The following ECHS1 variants were observed in gnomAD, a reference collection of about 807,000 sequenced individuals.
ECHS1 encodes enoyl-CoA hydratase, short chain 1, also known as enoyl-CoA hydratase, mitochondrial.
ECHS1 carries 19 observed loss-of-function variants against 33.5 expected under a neutral mutation model. That is an observed-to-expected ratio of 0.57 (90% CI 0.40 to 0.83). The LOEUF (loss-of-function observed/expected upper bound fraction) is 0.83. Ranked by LOEUF, ECHS1 falls within the 40% of genes least tolerant of loss-of-function variation. ECHS1 has a pLI of 0.00. For missense variants in ECHS1, 365 were observed against 381.3 expected, an observed-to-expected ratio of 0.96 and a Z score of 0.36; for synonymous variants, 158 against 146.6, an observed-to-expected ratio of 1.08 and a Z score of -0.56.
intron 7 of ECHS1, among the ~76,000 whole-genome samples, chr10:133,363,353 G>GCA: frequency 7.7e-6 from 1 of 130,414 alleles, no homozygotes; most frequent in African/African-American, 2.9e-5. Flanking sequence ...GTGTGCGCGC[G>GCA]CGCACACACA....
rs1016632181 is a variant in ECHS1, at chr10:133,362,496, G to A, written c.*372C>T. On this transcript the variant is annotated 3_prime_UTR_variant, in exon 8 of 8. Coordinates refer to ENST00000368547, the MANE Select transcript of ECHS1 (RefSeq NM_004092.4). ...TACAAGGCGTGGTGTAATCTGAATC[G>A]CTATCACTTTAATCAGCATCTGTAT... The A allele has an allele frequency of 3.7e-5, 10 of 268,408 alleles. No homozygotes were observed. Among genetic ancestry groups the A allele is most frequent in the East Asian group, 1.6e-4 (2 of 12,348 alleles). 16.6% of individuals were successfully genotyped at this position (268,408 alleles called of 1,614,324 possible).
At chr10:133,370,464 C>A in intron 2 of ECHS1, 96 bp downstream of exon 2, 1 of 1,279,136 alleles carries the variant, frequency 7.8e-7, no homozygotes, top group South Asian at 1.7e-5. Context: ...ATGCCTCTGC[C>A]ATCACAGAGG....
At position 133,365,198 on chromosome 10, in the gene ECHS1, G is replaced by A. The variant is rs550499849; in HGVS notation, c.740-473C>T. The stretch of plus-strand genomic sequence containing the variant: ...AGCAGATCCAGGTGCGCAGATGGAG[G>A]CAGGCGCTGTGGCTCCAGGGCTGGT... On this transcript the variant is annotated intron_variant, in intron 6 of 7. Coordinates refer to ENST00000368547, the MANE Select transcript of ECHS1 (RefSeq NM_004092.4). Among the ~76,000 whole-genome samples, 26 of 152,348 alleles carry A rather than the reference G, an allele frequency of 1.7e-4. No homozygotes were observed. In the South Asian group the frequency reaches 3.5e-3, roughly 21 times the overall value.
Position 133,366,971 on chromosome 10 carries a change from G to A in ECHS1, c.537C>T (p.Leu179=), listed in dbSNP as rs747582182. 6.2e-7 allele frequency: 1 copy of A among 1,612,326 alleles called. No homozygotes were observed. Among genetic ancestry groups the A allele is most frequent in the Non-Finnish European group, 8.5e-7 (1 of 1,179,938 alleles). The part of the protein sequence containing the change: ...TIPGAGGTQR[L]TRAVGKSLAM... ...CCAGCGACTTCCCAACAGCACGGGT[G>A]AGTCTCTGGGTGCCGCCCGCACCTG... The change falls in exon 5 of 8, where the codon CTC becomes CTT. Residue 179 remains leucine, a synonymous_variant. Coordinates refer to ENST00000368547, the MANE Select transcript of ECHS1 (RefSeq NM_004092.4).
At chr10:133,370,801 C>A in intron 1 of ECHS1, 44 bp from the exon 2 acceptor site, 1 of 1,569,734 alleles carries the variant, frequency 6.4e-7, no homozygotes, top group South Asian at 1.2e-5. Flanking sequence ...ACACAGGTAT[C>A]AAACTGGGGA....
chr10:133,369,762 C>G, intron 3 of ECHS1, 142 bp downstream of exon 3: 1 of 1,217,112 alleles, frequency 8.2e-7, no homozygotes, highest in Non-Finnish European at 1.1e-6. Context: ...CAGTTCCTGG[C>G]TCTTTAGCAC....
chr10:133,368,521 G>T (rs1241601982), intron 4 of ECHS1, among the ~76,000 whole-genome samples: 2 of 152,034 alleles, frequency 1.3e-5, no homozygotes, highest in African/African-American at 2.4e-5. Context: ...TGGGTGGGGG[G>T]TCTGACTCCC....
At chr10:133,365,765 G>C (rs1849019073) in intron 6 of ECHS1, among the ~76,000 whole-genome samples, 1 of 152,218 alleles carries the variant, frequency 6.6e-6, no homozygotes, top group South Asian at 2.1e-4. Context: ...CTTGGGCCCT[G>C]GTACAAAGGG....
At chr10:133,371,006 G>A (rs917801501) in intron 1 of ECHS1, among the ~76,000 whole-genome samples, 1 of 152,222 alleles carries the variant, frequency 6.6e-6, no homozygotes, top group African/African-American at 2.4e-5. Flanking sequence ...GGCCGGGCGC[G>A]GTGGCTCACG....
intron 1 of ECHS1, among the ~76,000 whole-genome samples, chr10:133,371,138 GTT>G (rs1348035696): frequency 3.9e-5 from 6 of 151,996 alleles, no homozygotes; most frequent in African/African-American, 1.4e-4. Context: ...TTAGTCGGGT[GTT>G]GTGGCGGGCG....
Position 133,366,022 on chromosome 10 carries a change from G to T in ECHS1, c.693C>A (p.Ser231Arg). The T allele has an allele frequency of 6.2e-7, 1 of 1,613,980 alleles. No individual in the cohort carries two copies. The highest frequency in any genetic ancestry group is 8.5e-7 in the Non-Finnish European group (1 of 1,180,024). Residue 231 changes from serine (S) to arginine (R), a missense_variant, in exon 6 of 8, where the codon AGC becomes AGA. Transcript: ENST00000368547. The stretch of plus-strand genomic sequence containing the variant: ...CCATCGCTACTACAATTTTAGAATT[G>T]CTGGCAATTTTTTCTGCACACTGGA... ...EAIQCAEKIA[S>R]NSKIVVAMAK...
intron 1 of ECHS1, among the ~76,000 whole-genome samples, chr10:133,371,855 G>A (rs1039584599): frequency 6.6e-6 from 1 of 152,258 alleles, no homozygotes; most frequent in African/African-American, 2.4e-5. Flanking sequence ...GGAGTGCAGT[G>A]GCGCAATCTT....
intron 5 of ECHS1, 35 bp downstream of exon 5, chr10:133,366,854 T>C: frequency 1.3e-6 from 2 of 1,552,518 alleles, no homozygotes; most frequent in Non-Finnish European, 8.8e-7. Flanking sequence ...ACCCCGGGTT[T>C]CCAGGTGGCT....
chr10:133,366,718 A>G (rs998133327), intron 5 of ECHS1, among the ~76,000 whole-genome samples, 171 bp downstream of exon 5: 37 of 135,228 alleles, frequency 2.7e-4, no homozygotes, highest in Non-Finnish European at 5.1e-4. Context: ...GAGGGAGACA[A>G]CTGGATGCAG....
chr10:133,365,142 C>T (rs1008472005), intron 6 of ECHS1, among the ~76,000 whole-genome samples: 1 of 152,252 alleles, frequency 6.6e-6, no homozygotes, highest in Non-Finnish European at 1.5e-5. Flanking sequence ...TCTGCTCATT[C>T]CAGGCCCGTT....
chr10:133,369,461 C>T (rs12240556), intron 3 of ECHS1, among the ~76,000 whole-genome samples: 1 of 87,296 alleles, frequency 1.1e-5, no homozygotes, highest in African/African-American at 4.8e-5. Context: ...AGACCCCTGG[C>T]TTACACGGCA....
At chr10:133,365,861 A>G (rs1463119330) in intron 6 of ECHS1, 115 bp downstream of exon 6, 1 of 1,338,500 alleles carries the variant, frequency 7.5e-7, no homozygotes, top group Non-Finnish European at 1.0e-6. Context: ...ACTGAGAAGC[A>G]TTTCTGCCCA....
intron 1 of ECHS1, among the ~76,000 whole-genome samples, chr10:133,371,132 T>C (rs1020884418): frequency 4.0e-5 from 6 of 151,878 alleles, no homozygotes; most frequent in African/African-American, 1.5e-4. Context: ...AAAAAATTAG[T>C]CGGGTGTTGT....
At chr10:133,370,796 G>A in intron 1 of ECHS1, 39 bp from the exon 2 acceptor site, 1 of 1,578,242 alleles carries the variant, frequency 6.3e-7, no homozygotes, top group East Asian at 2.2e-5. Context: ...TATTCACACA[G>A]GTATCAAACT....
Sources: gnomAD v4.1 joint callset for allele counts (sites outside exome capture counted in the v4.1 genomes callset) on GRCh38, gnomAD v4.1.1 for gene constraint, MANE v1.5 for transcripts, NCBI Gene and HGNC (gene_info 2026-07-23, HGNC 2026-07-21) for gene names.